Variants in AP2B1 observed in about 807,000 individuals in gnomAD.
AP2B1 encodes the protein adaptor related protein complex 2 subunit beta 1.
A neutral mutation model predicts 102.0 loss-of-function variants in AP2B1; 23 were observed. The observed-to-expected ratio is 0.23, with a 90% CI of 0.16 to 0.32. The LOEUF (loss-of-function observed/expected upper bound fraction) is 0.32, where lower values mean the gene tolerates loss of function less well. Among genes scored for constraint, AP2B1 ranks in the 10% least tolerant of loss-of-function variants. The pLI is 1.00. For synonymous variants in AP2B1, 381 were observed against 421.2 expected (o/e 0.90, Z 1.17); for missense variants, 541 against 1,157.4 (o/e 0.47, Z 7.73).
chr17:35,638,803 AAAAAG>A (rs1023977077), intron 10 of AP2B1, among the ~76,000 whole-genome samples: 1 of 151,924 alleles, frequency 6.6e-6, no homozygotes, highest in Non-Finnish European at 1.5e-5. Flanking sequence ...AAAAAAAAAA[AAAAAG>A]AAAGCTCTCT....
chr17:35,713,035 A>C (rs1381390318), intron 20 of AP2B1, among the ~76,000 whole-genome samples: 2 of 152,222 alleles, frequency 1.3e-5, no homozygotes, highest in Admixed American at 1.3e-4. Context: ...TGTCAAAATA[A>C]CAGAGAAGAA....
chr17:35,594,147 A>T, intron 2 of AP2B1, 80 bp downstream of exon 2: 1 of 868,358 alleles, frequency 1.2e-6, no homozygotes, highest in Non-Finnish European at 1.8e-6. Context: ...AATGCTGCTG[A>T]CCTCTTCCTT....
intron 20 of AP2B1, among the ~76,000 whole-genome samples, chr17:35,716,235 G>C (rs929542418): frequency 6.6e-6 from 1 of 152,208 alleles, no homozygotes; most frequent in African/African-American, 2.4e-5. Context: ...TTTGAATGCT[G>C]TCTTCAGAAA....
chr17:35,684,609 A>T (rs1205951355), intron 18 of AP2B1, among the ~76,000 whole-genome samples: 1 of 152,208 alleles, frequency 6.6e-6, no homozygotes, highest in East Asian at 1.9e-4. Flanking sequence ...CTTGGCTCAG[A>T]CAAGAAGAAT....
intron 21 of AP2B1, among the ~76,000 whole-genome samples, chr17:35,719,034 T>A (rs1555591531): frequency 1.3e-5 from 2 of 152,124 alleles, no homozygotes; most frequent in East Asian, 3.8e-4. Context: ...CTAAACATAG[T>A]TTGTTAAAAT....
rs757979959 is a variant in AP2B1 at position 35,671,912 on chromosome 17, G to C, written c.2178+12G>C. On this transcript the variant is annotated intron_variant, in intron 16 of 21. Transcript: ENST00000610402. ...TGGCTCCTAAGGCTGTAAGTAAAGA[G>C]TTAACATAGCAATACTTTCTTAATG... 1.2e-6 allele frequency: 2 copies of C among 1,613,220 alleles called. No homozygotes were observed. Among genetic ancestry groups the C allele is most frequent in the Non-Finnish European group, 8.5e-7 (1 of 1,179,418 alleles).
intron 15 of AP2B1, 95 bp downstream of exon 15, chr17:35,670,993 C>T (rs1479868899): frequency 7.7e-7 from 1 of 1,302,146 alleles, no homozygotes. Context: ...CTGCTGCTGT[C>T]TAGCACTGCA....
intron 11 of AP2B1, among the ~76,000 whole-genome samples, chr17:35,641,155 G>C (rs564419640): frequency 6.6e-6 from 1 of 152,284 alleles, no homozygotes; most frequent in South Asian, 2.1e-4. Context: ...TACTGTCTTG[G>C]CTCTTGCCCC....
intron 20 of AP2B1, among the ~76,000 whole-genome samples, chr17:35,714,270 C>T (rs1006576571): frequency 9.2e-5 from 14 of 152,176 alleles, no homozygotes; most frequent in African/African-American, 3.4e-4. Context: ...CCAGCTAGCA[C>T]CTAACTATCA....
At chr17:35,687,113 G>A (rs1241667544) in intron 18 of AP2B1, among the ~76,000 whole-genome samples, 1 of 151,934 alleles carries the variant, frequency 6.6e-6, no homozygotes, top group African/African-American at 2.4e-5. Flanking sequence ...GGGACTCCTG[G>A]ATTTTTATTT....
Position 35,709,292 on chromosome 17 carries a change from A to G in AP2B1, c.2523A>G (p.Val841=). 1 of 1,613,970 alleles carries G rather than the reference A, an allele frequency of 6.2e-7. No homozygotes were observed. Among genetic ancestry groups the G allele is most frequent in the Non-Finnish European group, 8.5e-7 (1 of 1,179,918 alleles). Residue 841 remains valine, a synonymous_variant, in exon 19 of 22, where the codon GTA becomes GTG. Coordinates refer to ENST00000610402, the MANE Select transcript of AP2B1 (RefSeq NM_001030006.2). ...TCATCCCACTCAATGTGCTTTTTGTAGAAGATGGCAAAATGGGTAAGTACC... is the reference window on the plus strand; with the variant it reads ...TCATCCCACTCAATGTGCTTTTTGTGGAAGATGGCAAAATGGGTAAGTACC... ...SCLIPLNVLF[V]EDGKMERQVF... is the part of the protein sequence containing the mutation.
chr17:35,674,532 C>G (rs865787983), intron 17 of AP2B1, among the ~76,000 whole-genome samples: 1 of 152,230 alleles, frequency 6.6e-6, no homozygotes, highest in South Asian at 2.1e-4. Context: ...TGGTGAAACC[C>G]CGTCTCTACT....
At chr17:35,643,573 GA>G (rs1220936470) in intron 12 of AP2B1, among the ~76,000 whole-genome samples, 1 of 152,148 alleles carries the variant, frequency 6.6e-6, no homozygotes, top group Non-Finnish European at 1.5e-5. Context: ...AAGTATTTAG[GA>G]AGGATTGCTT....
intron 9 of AP2B1, 108 bp from the exon 10 acceptor site, chr17:35,636,233 A>T (rs537488049): frequency 7.5e-6 from 5 of 667,530 alleles, no homozygotes; most frequent in Non-Finnish European, 5.2e-6. Context: ...GTGCCTGATC[A>T]TTTAGTTTGG....
intron 17 of AP2B1, among the ~76,000 whole-genome samples, chr17:35,676,862 G>A (rs1280388548): frequency 1.3e-5 from 2 of 151,990 alleles, no homozygotes; most frequent in African/African-American, 4.8e-5. Context: ...AGAGAGGATC[G>A]TCTTATTATG....
intron 5 of AP2B1, among the ~76,000 whole-genome samples, chr17:35,613,956 A>G (rs2073939728): frequency 6.6e-6 from 1 of 152,150 alleles, no homozygotes; most frequent in Non-Finnish European, 1.5e-5. Context: ...TGTCACAAGT[A>G]TATATTTGCA....
chr17:35,670,419 GCTTTTC>G (rs1386980882), intron 14 of AP2B1, among the ~76,000 whole-genome samples: 2 of 151,992 alleles, frequency 1.3e-5, no homozygotes, highest in Non-Finnish European at 2.9e-5. Context: ...TTGTTTTTTG[GCTTTTC>G]CTTTTCCAAC....
At chr17:35,710,094 C>A in intron 19 of AP2B1, 140 bp from the exon 20 acceptor site, 1 of 695,424 alleles carries the variant, frequency 1.4e-6, no homozygotes, top group Non-Finnish European at 2.6e-6. Context: ...TTGTAGAGCT[C>A]AGCATTGGCT....
At chr17:35,633,159 G>A (rs993841311) in intron 9 of AP2B1, among the ~76,000 whole-genome samples, 3 of 151,958 alleles carry the variant, frequency 2.0e-5, no homozygotes, top group Non-Finnish European at 4.4e-5. Flanking sequence ...TCAGGAGATC[G>A]AGACATCCTG....
Sources: gnomAD v4.1 joint callset for allele counts (sites outside exome capture counted in the v4.1 genomes callset) on GRCh38, gnomAD v4.1.1 for gene constraint, MANE v1.5 for transcripts, NCBI Gene and HGNC (gene_info 2026-07-23, HGNC 2026-07-21) for gene names.